Variants in FLVCR2 observed in about 807,000 individuals in gnomAD.
FLVCR2 encodes the protein choline/ethanolamine transporter FLVCR2.
A neutral mutation model predicts 48.9 loss-of-function variants in FLVCR2; 38 were observed. The ratio of observed to expected loss-of-function variants is 0.78; its 90% CI spans 0.60 to 1.02. The LOEUF (loss-of-function observed/expected upper bound fraction) is 1.02. FLVCR2 is among the 50% of genes least tolerant of loss of function. The pLI is 0.00. For synonymous variants in FLVCR2, 255 were observed against 257.0 expected, an observed-to-expected ratio of 0.99 and a Z score of 0.07; for missense variants, 664 against 663.3, an observed-to-expected ratio of 1.00 and a Z score of -0.01.
intron 1 of FLVCR2, among the ~76,000 whole-genome samples, chr14:75,593,881 C>G (rs1888953688): frequency 6.6e-6 from 1 of 152,230 alleles, no homozygotes; most frequent in African/African-American, 2.4e-5. Context: ...GTCTACATGG[C>G]CAGCCTTCAG....
chr14:75,586,462 G>T (rs771412586), intron 1 of FLVCR2, among the ~76,000 whole-genome samples: 1 of 152,200 alleles, frequency 6.6e-6, no homozygotes, highest in Non-Finnish European at 1.5e-5. Flanking sequence ...AGTCAGAGGG[G>T]ATATGATGGC....
chr14:75,635,737 C>T (rs1005331764), intron 5 of FLVCR2, among the ~76,000 whole-genome samples: 3 of 152,068 alleles, frequency 2.0e-5, no homozygotes, highest in Non-Finnish European at 4.4e-5. Flanking sequence ...TAGTGGCACA[C>T]ACCTGAAGTC....
intron 1 of FLVCR2, among the ~76,000 whole-genome samples, chr14:75,613,149 A>C (rs1364566847): frequency 6.6e-6 from 1 of 152,130 alleles, no homozygotes; most frequent in Admixed American, 6.5e-5. Context: ...AGCTTGTGTT[A>C]GTCCATTTTG....
chr14:75,614,206 C>T (rs1889546544), intron 1 of FLVCR2, among the ~76,000 whole-genome samples: 1 of 152,202 alleles, frequency 6.6e-6, no homozygotes, highest in African/African-American at 2.4e-5. Flanking sequence ...AAAGGATCCT[C>T]AACCATGCTT....
chr14:75,607,100 T>G (rs1889311189), intron 1 of FLVCR2, among the ~76,000 whole-genome samples: 1 of 152,228 alleles, frequency 6.6e-6, no homozygotes, highest in Non-Finnish European at 1.5e-5. Context: ...CCATGGAAGC[T>G]GGACCCAGCA....
intron 1 of FLVCR2, among the ~76,000 whole-genome samples, chr14:75,619,529 T>C (rs1023591997): frequency 6.6e-6 from 1 of 151,708 alleles, no homozygotes; most frequent in African/African-American, 2.4e-5. Flanking sequence ...ATCATGACTA[T>C]GGAACAGACC....
intron 1 of FLVCR2, among the ~76,000 whole-genome samples, chr14:75,587,698 C>T (rs1224377482): frequency 1.3e-5 from 2 of 152,192 alleles, no homozygotes; most frequent in African/African-American, 4.8e-5. Flanking sequence ...GGGAAATGAG[C>T]TGTGTGGGGT....
In FLVCR2 at chr14:75,583,961, G is replaced by T. The variant is rs538308686; in HGVS notation, c.669+4320G>T. On this transcript the variant is annotated intron_variant, in intron 1 of 9. Transcript: ENST00000238667. Reference sequence around the variant, plus strand: ...CAGTCTTCAGCTGCTAAGCCGAGGAGATCTGGGAAGGAGTTGGCCAAGGAA... The same window carrying T: ...CAGTCTTCAGCTGCTAAGCCGAGGATATCTGGGAAGGAGTTGGCCAAGGAA... Among the ~76,000 whole-genome samples, 13 of 152,356 alleles carry T rather than the reference G, an allele frequency of 8.5e-5. No homozygotes were observed. The East Asian group carries it at 1.9e-3, about 23-fold the overall frequency.
chr14:75,637,045 A>C (rs1248019607), intron 5 of FLVCR2, among the ~76,000 whole-genome samples: 2 of 152,220 alleles, frequency 1.3e-5, no homozygotes, highest in Non-Finnish European at 2.9e-5. Flanking sequence ...ACCAGGTGGG[A>C]GCAGCATCCT....
At chr14:75,618,022 G>A (rs1889659071) in intron 1 of FLVCR2, among the ~76,000 whole-genome samples, 1 of 152,176 alleles carries the variant, frequency 6.6e-6, no homozygotes, top group African/African-American at 2.4e-5. Flanking sequence ...AAAGTCCTGA[G>A]GAACAAGCTG....
At chr14:75,645,033 GGTGTGTGTGTGT>G (rs71119379) in intron 9 of FLVCR2, among the ~76,000 whole-genome samples, 1 of 13,066 alleles carries the variant, frequency 7.7e-5, no homozygotes, top group Non-Finnish European at 2.8e-4. Context: ...AGGCGGGCGT[GGTGTGTGTGTGT>G]GTGTGTGTGT....
chr14:75,582,888 T>C (rs1234752038), intron 1 of FLVCR2, among the ~76,000 whole-genome samples: 1 of 152,194 alleles, frequency 6.6e-6, no homozygotes, highest in East Asian at 1.9e-4. Context: ...AGTTGTTTTG[T>C]AGAAGGTGTT....
intron 1 of FLVCR2, among the ~76,000 whole-genome samples, chr14:75,616,048 A>AAAAAAAAAAC (rs1889607875): frequency 6.8e-6 from 1 of 146,998 alleles, no homozygotes; most frequent in Non-Finnish European, 1.5e-5. Context: ...AAAAAAAAAA[A>AAAAAAAAAAC]TAGCGTAAGT....
intron 1 of FLVCR2, among the ~76,000 whole-genome samples, chr14:75,590,520 C>A (rs963940755): frequency 1.3e-5 from 2 of 152,186 alleles, no homozygotes; most frequent in Non-Finnish European, 2.9e-5. Context: ...CACCAAATCT[C>A]ATGTTGAATT....
At chr14:75,596,550 T>C (rs1214678085) in intron 1 of FLVCR2, among the ~76,000 whole-genome samples, 1 of 152,156 alleles carries the variant, frequency 6.6e-6, no homozygotes, top group Non-Finnish European at 1.5e-5. Flanking sequence ...GATCTGCATT[T>C]TTTTCCTTTG....
At chr14:75,594,780 C>A (rs1335693696) in intron 1 of FLVCR2, among the ~76,000 whole-genome samples, 3 of 151,534 alleles carry the variant, frequency 2.0e-5, no homozygotes, top group African/African-American at 2.4e-5. Flanking sequence ...AGTACAGTAG[C>A]ATGAACACAG....
chr14:75,634,498 C>T (rs1179665387), intron 4 of FLVCR2, among the ~76,000 whole-genome samples: 3 of 152,148 alleles, frequency 2.0e-5, no homozygotes, highest in Non-Finnish European at 4.4e-5. Context: ...TAACTATTAT[C>T]TTTCCATTCC....
At chr14:75,630,767 T>G (rs1890021612) in intron 3 of FLVCR2, among the ~76,000 whole-genome samples, 1 of 152,160 alleles carries the variant, frequency 6.6e-6, no homozygotes, top group South Asian at 2.1e-4. Context: ...CCTTTCTGCC[T>G]CTCTAAAGCC....
intron 3 of FLVCR2, chr14:75,631,922 T>C (rs12432793): frequency 0.17 from 74,141 of 446,770 alleles, 8,225 homozygotes; most frequent in South Asian, 0.35. Context: ...GTTGTAGTGA[T>C]GTTTGGGGAC....
Sources: gnomAD v4.1 joint callset for allele counts (sites outside exome capture counted in the v4.1 genomes callset) on GRCh38, gnomAD v4.1.1 for gene constraint, MANE v1.5 for transcripts, NCBI Gene and HGNC (gene_info 2026-07-23, HGNC 2026-07-21) for gene names.